Variants in ITPR2 observed in about 807,000 individuals in gnomAD.
ITPR2 encodes inositol 1,4,5-trisphosphate-gated calcium channel ITPR2.
In ITPR2, 207 loss-of-function variants were observed where a neutral mutation model predicts 317.1. The ratio of observed to expected loss-of-function variants is 0.65; its 90% CI spans 0.58 to 0.73. The LOEUF (loss-of-function observed/expected upper bound fraction) is 0.73. ITPR2 is among the 30% of genes least tolerant of loss of function. The pLI is 0.00. For missense variants in ITPR2, 2,613 were observed against 3,284.0 expected (o/e 0.80, Z 4.99); for synonymous variants, 1,156 against 1,149.1 (o/e 1.01, Z -0.12).
intron 26 of ITPR2, among the ~76,000 whole-genome samples, chr12:26,607,877 G>A (rs923843142): frequency 2.0e-5 from 3 of 152,088 alleles, no homozygotes; most frequent in Non-Finnish European, 2.9e-5. Flanking sequence ...TCAGGAGATC[G>A]AGACCATCCT....
intron 51 of ITPR2, among the ~76,000 whole-genome samples, chr12:26,414,409 A>G (rs1189049118): frequency 6.6e-6 from 1 of 152,132 alleles, no homozygotes; most frequent in Non-Finnish European, 1.5e-5. Context: ...CACTAATTAA[A>G]TCCTAGTTTT....
intron 51 of ITPR2, among the ~76,000 whole-genome samples, chr12:26,414,070 C>T (rs1940643940): frequency 6.6e-6 from 1 of 151,792 alleles, no homozygotes; most frequent in South Asian, 2.1e-4. Flanking sequence ...CACACACACA[C>T]ACACACACAC....
At chr12:26,467,031 T>G (rs1368561003) in intron 45 of ITPR2, among the ~76,000 whole-genome samples, 1 of 152,198 alleles carries the variant, frequency 6.6e-6, no homozygotes, top group Non-Finnish European at 1.5e-5. Flanking sequence ...CAATGCTGAT[T>G]ACTACATATT....
chr12:26,402,349 C>T (rs1940204722), intron 52 of ITPR2, among the ~76,000 whole-genome samples: 1 of 152,158 alleles, frequency 6.6e-6, no homozygotes, highest in Admixed American at 6.5e-5. Context: ...TCACGATCTG[C>T]ATTCATTTAT....
intron 51 of ITPR2, among the ~76,000 whole-genome samples, chr12:26,412,884 G>T (rs1179895880): frequency 6.6e-6 from 1 of 152,162 alleles, no homozygotes; most frequent in Non-Finnish European, 1.5e-5. Context: ...ATCCAGTGCA[G>T]ATCTAAAGGC....
intron 52 of ITPR2, among the ~76,000 whole-genome samples, chr12:26,409,394 A>C (rs1281999197): frequency 6.6e-6 from 1 of 152,244 alleles, no homozygotes; most frequent in Admixed American, 6.5e-5. Context: ...TCTTTAAGAG[A>C]GATTTCTATG....
intron 26 of ITPR2, among the ~76,000 whole-genome samples, chr12:26,609,274 G>A (rs571304523): frequency 1.3e-5 from 2 of 152,244 alleles, no homozygotes; most frequent in East Asian, 3.9e-4. Flanking sequence ...GAAACCATAT[G>A]GGTACATAGA....
At chr12:26,543,033 T>G (rs1335877568) in intron 37 of ITPR2, among the ~76,000 whole-genome samples, 1 of 152,220 alleles carries the variant, frequency 6.6e-6, no homozygotes, top group Non-Finnish European at 1.5e-5. Flanking sequence ...TATATGTTTT[T>G]CCCTTTTTAT....
At chr12:26,453,106 A>G (rs1265873840) in intron 45 of ITPR2, among the ~76,000 whole-genome samples, 2 of 152,170 alleles carry the variant, frequency 1.3e-5, no homozygotes, top group African/African-American at 2.4e-5. Context: ...TCCATTTTCA[A>G]CTAAAACAGG....
At chr12:26,549,588 A>G (rs181580967) in intron 37 of ITPR2, among the ~76,000 whole-genome samples, 106 of 152,258 alleles carry the variant, frequency 7.0e-4, no homozygotes, top group Middle Eastern at 3.4e-3. Flanking sequence ...GCTAAAAAAA[A>G]TTCTCTAGAT....
At chr12:26,352,347 A>G (rs1996098) in intron 55 of ITPR2, among the ~76,000 whole-genome samples, 148,613 of 152,346 alleles carry the variant, frequency 0.98, 72,605 homozygotes, top group Non-Finnish European at 1. Flanking sequence ...CCAGCACTCA[A>G]CAATGGCACT....
intron 37 of ITPR2, among the ~76,000 whole-genome samples, chr12:26,540,560 A>G (rs900020125): frequency 4.6e-5 from 7 of 152,188 alleles, no homozygotes; most frequent in African/African-American, 1.7e-4. Context: ...AATGGTGGTT[A>G]CCTTCTGAGT....
intron 55 of ITPR2, among the ~76,000 whole-genome samples, chr12:26,350,664 C>G (rs1015655343): frequency 8.6e-5 from 13 of 152,026 alleles, no homozygotes; most frequent in African/African-American, 2.9e-4. Context: ...GTCTCACCCC[C>G]CAGACAACAG....
At chr12:26,471,283 G>A (rs1296968620) in intron 45 of ITPR2, among the ~76,000 whole-genome samples, 6 of 152,130 alleles carry the variant, frequency 3.9e-5, no homozygotes, top group African/African-American at 1.2e-4. Context: ...TATTGGACAT[G>A]GTTTAATATA....
intron 37 of ITPR2, among the ~76,000 whole-genome samples, chr12:26,506,126 T>C (rs1943176057): frequency 6.6e-6 from 1 of 151,648 alleles, no homozygotes; most frequent in Non-Finnish European, 1.5e-5. Flanking sequence ...CCCAGCACTT[T>C]AGGAGGCCAA....
chr12:26,637,713 A>G (rs1946893648), intron 21 of ITPR2, among the ~76,000 whole-genome samples: 1 of 152,200 alleles, frequency 6.6e-6, no homozygotes, highest in African/African-American at 2.4e-5. Flanking sequence ...CCATTTAATT[A>G]TGTTCCATTA....
chr12:26,786,816 T>C (rs1471394051), intron 2 of ITPR2, among the ~76,000 whole-genome samples: 1 of 152,218 alleles, frequency 6.6e-6, no homozygotes, highest in Admixed American at 6.5e-5. Flanking sequence ...TCTTTTAAAA[T>C]TAATTTGAGA....
At position 26,596,889 on chromosome 12, in the gene ITPR2, G is replaced by A; in HGVS notation, c.4248C>T (p.Ile1416=). The change falls in exon 31 of 57, where the codon ATC becomes ATT. Residue 1416 remains isoleucine, a synonymous_variant. Coordinates refer to ENST00000381340, the MANE Select transcript of ITPR2 (RefSeq NM_002223.4). ...AAGCTTTTGCCAGGCTTACCTCAGG[G>A]ATGCAGTCGTCATGGGTCACCACCC... The part of the protein sequence containing the change: ...IVRVVTHDDC[I]PEVKIAYVNF... The A allele has an allele frequency of 6.5e-7, 1 of 1,533,414 alleles. No individual in the cohort carries two copies. The highest frequency in any genetic ancestry group is 8.8e-7 in the Non-Finnish European group (1 of 1,140,858). The allele number at this position is 1,533,414 out of a possible 1,614,324, so 95.0% of individuals were successfully genotyped here.
chr12:26,578,874 C>T lies in ITPR2; in HGVS notation c.4510-41G>A, dbSNP rs766035157. 3.8e-6 allele frequency: 6 copies of T among 1,569,398 alleles called. No homozygotes were observed. The Admixed American group carries it at 6.8e-5, about 18-fold the overall frequency. ...AGGTAGGCAAAAAGAGATGCTAAAC[C>T]ATTAACAGCCCTGATGTAGCATCTA... On this transcript the variant is annotated intron_variant, in intron 33 of 56. Transcript: ENST00000381340.
Sources: allele counts gnomAD v4.1 joint callset (sites outside exome capture counted in the v4.1 genomes callset), GRCh38; gene constraint gnomAD v4.1.1; transcripts MANE v1.5; gene names NCBI Gene and HGNC (gene_info 2026-07-23, HGNC 2026-07-21).